The following LRRC4C variants were observed in gnomAD, a reference collection of about 807,000 sequenced individuals.
LRRC4C encodes leucine-rich repeat-containing protein 4C.
In LRRC4C, 5 loss-of-function variants were observed where a neutral mutation model predicts 33.6. The ratio of observed to expected loss-of-function variants is 0.15; its 90% CI spans 0.08 to 0.31. LRRC4C has a LOEUF of 0.31. Ranked by LOEUF, LRRC4C falls within the 10% of genes least tolerant of loss-of-function variation. The pLI is 1.00. For synonymous variants in LRRC4C, 329 were observed against 302.0 expected (o/e 1.09, Z -0.93); for missense variants, 560 against 796.7 (o/e 0.70, Z 3.58).
chr11:40,165,148 G>C, intron 5 of LRRC4C, among the ~76,000 whole-genome samples: 1 of 152,120 alleles, frequency 6.6e-6, no homozygotes, highest in South Asian at 2.1e-4. Flanking sequence ...GTGTATAATT[G>C]TATTTGTGTG....
chr11:41,440,603 T>C (rs547069704), intron 1 of LRRC4C, among the ~76,000 whole-genome samples: 7 of 152,130 alleles, frequency 4.6e-5, no homozygotes, highest in African/African-American at 1.7e-4. Flanking sequence ...ATTCCATCTA[T>C]TGGACTGATA....
intron 3 of LRRC4C, among the ~76,000 whole-genome samples, chr11:40,392,629 T>A (rs902482423): frequency 2.0e-5 from 3 of 152,108 alleles, no homozygotes; most frequent in Admixed American, 6.6e-5. Context: ...CTGATAGCTG[T>A]CATCACAAAC....
chr11:41,383,690 A>G (rs1441256415), intron 1 of LRRC4C, among the ~76,000 whole-genome samples: 3 of 152,012 alleles, frequency 2.0e-5, no homozygotes, highest in Non-Finnish European at 4.4e-5. Flanking sequence ...ATACATAAAC[A>G]TGCATGAAAC....
intron 1 of LRRC4C, among the ~76,000 whole-genome samples, chr11:40,981,922 A>G (rs1852571101): frequency 6.6e-6 from 1 of 152,230 alleles, no homozygotes; most frequent in South Asian, 2.1e-4. Context: ...AAAGCCTTAA[A>G]GATTAATATC....
Position 41,158,126 on chromosome 11 carries a change from C to T in LRRC4C, c.-495-224403G>A, listed in dbSNP as rs1447193640. Reference sequence around the variant, plus strand: ...TAACACTTTTATTCCCACAATAAGCCTAAGAGGAAGATACTATTGTTTTCT... The same window carrying T: ...TAACACTTTTATTCCCACAATAAGCTTAAGAGGAAGATACTATTGTTTTCT... On this transcript the variant is annotated intron_variant, in intron 1 of 6. Coordinates refer to ENST00000528697, the MANE Select transcript of LRRC4C (RefSeq NM_001258419.2). Among the ~76,000 whole-genome samples, 3 of 151,912 alleles carry T rather than the reference C, an allele frequency of 2.0e-5. No individual in the cohort carries two copies. In the East Asian group the frequency reaches 5.8e-4, roughly 29 times the overall value.
At position 40,468,853 on chromosome 11, in the gene LRRC4C, A is replaced by C. The variant is rs192302747; in HGVS notation, c.-269-149132T>G. ...AGAGGCATCATTTTGATAAAGACCC[A>C]TATTTTATTAGGCTGTATTCTAATA... is the stretch of plus-strand genomic sequence containing the variant. On this transcript the variant is annotated intron_variant, in intron 3 of 6. Transcript: ENST00000528697. 3.3e-5 allele frequency among the ~76,000 whole-genome samples: 5 copies of C among 152,330 alleles called. No homozygotes were observed. In the East Asian group the frequency reaches 9.6e-4, roughly 29 times the overall value.
At chr11:40,275,517 G>A (rs1344064486) in intron 4 of LRRC4C, among the ~76,000 whole-genome samples, 1 of 152,084 alleles carries the variant, frequency 6.6e-6, no homozygotes, top group Non-Finnish European at 1.5e-5. Context: ...CTTTGATGAG[G>A]GAGCTCCACA....
chr11:41,165,677 T>G (rs1944688971), intron 1 of LRRC4C, among the ~76,000 whole-genome samples: 1 of 152,112 alleles, frequency 6.6e-6, no homozygotes, highest in Admixed American at 6.6e-5. Context: ...CCCATAATGT[T>G]TAACCCAGCA....
intron 3 of LRRC4C, among the ~76,000 whole-genome samples, chr11:40,382,203 C>CGATCTCCT (rs1200978687): frequency 1.4e-5 from 2 of 141,384 alleles, no homozygotes; most frequent in African/African-American, 2.6e-5. Context: ...AGGTTGGTCT[C>CGATCTCCT]GATCTCCTGA....
chr11:40,587,990 T>TA (rs1455556565), intron 3 of LRRC4C, among the ~76,000 whole-genome samples: 6 of 152,084 alleles, frequency 3.9e-5, no homozygotes, highest in African/African-American at 1.4e-4. Context: ...GCTGGCCTCA[T>TA]AAAATGAGTT....
At chr11:41,092,002 T>C (rs1161075592) in intron 1 of LRRC4C, among the ~76,000 whole-genome samples, 1 of 152,160 alleles carries the variant, frequency 6.6e-6, no homozygotes, top group Non-Finnish European at 1.5e-5. Context: ...GATAAAAATA[T>C]ACAAATATAA....
At chr11:40,152,343 G>A (rs1394440438) in intron 5 of LRRC4C, among the ~76,000 whole-genome samples, 4 of 152,176 alleles carry the variant, frequency 2.6e-5, no homozygotes, top group African/African-American at 9.7e-5. Context: ...CTGGCACCAC[G>A]GGGATCCACT....
At position 40,711,057 on chromosome 11, in the gene LRRC4C, T is replaced by C. The variant is rs182639684; in HGVS notation, c.-406-62779A>G. On this transcript the variant is annotated intron_variant, in intron 2 of 6. Coordinates refer to ENST00000528697, the MANE Select transcript of LRRC4C (RefSeq NM_001258419.2). ...TGCTAAGACCACTGGAAAAGTGCAG[T>C]GTTTAGGTGGCAGTGTCCCGATTTT... 3.6e-3 allele frequency among the ~76,000 whole-genome samples: 546 copies of C among 152,192 alleles called. 13 individuals carry two copies. The highest frequency in any genetic ancestry group is 0.031 in the Admixed American group (472 of 15,290).
chr11:41,258,156 C>T (rs1033688572), intron 1 of LRRC4C, among the ~76,000 whole-genome samples: 23 of 151,926 alleles, frequency 1.5e-4, no homozygotes, highest in African/African-American at 5.3e-4. Flanking sequence ...TCTGTGATGG[C>T]TTTAACCGGA....
At chr11:41,359,558 G>A (rs75555785) in intron 1 of LRRC4C, among the ~76,000 whole-genome samples, 2,875 of 152,240 alleles carry the variant, frequency 0.019, 83 homozygotes, top group African/African-American at 0.065. Context: ...GAAGGACACA[G>A]AGTCGAATTT....
intron 2 of LRRC4C, among the ~76,000 whole-genome samples, chr11:40,923,325 T>A (rs1445115384): frequency 6.6e-6 from 1 of 152,226 alleles, no homozygotes; most frequent in African/African-American, 2.4e-5. Flanking sequence ...AATGTGTTAG[T>A]CCTTGTATGA....
intron 2 of LRRC4C, among the ~76,000 whole-genome samples, chr11:40,875,826 T>C (rs1330616149): frequency 6.6e-6 from 1 of 152,146 alleles, no homozygotes; most frequent in Non-Finnish European, 1.5e-5. Context: ...ATTTCTATTA[T>C]TATCACATTG....
chr11:40,804,863 G>T (rs773598685), intron 2 of LRRC4C, among the ~76,000 whole-genome samples: 1 of 152,070 alleles, frequency 6.6e-6, no homozygotes, highest in African/African-American at 2.4e-5. Context: ...TTGGTCAAAA[G>T]AAATGCTTAA....
chr11:40,283,643 TGTTA>T (rs1470913197), intron 4 of LRRC4C, among the ~76,000 whole-genome samples: 1 of 151,448 alleles, frequency 6.6e-6, no homozygotes, highest in African/African-American at 2.4e-5. Context: ...CTATGCACTA[TGTTA>T]GTTAGATGTG....
Sources: gnomAD v4.1 joint callset for allele counts (sites outside exome capture counted in the v4.1 genomes callset) on GRCh38, gnomAD v4.1.1 for gene constraint, MANE v1.5 for transcripts, NCBI Gene and HGNC (gene_info 2026-07-23, HGNC 2026-07-21) for gene names.